The following METTL25 variants were observed in gnomAD, a reference collection of about 807,000 sequenced individuals.
METTL25 encodes the protein probable methyltransferase-like protein 25.
In METTL25, 64 loss-of-function variants were observed where a neutral mutation model predicts 71.6. The observed-to-expected ratio is 0.89, with a 90% CI of 0.73 to 1.10. The LOEUF (loss-of-function observed/expected upper bound fraction) is 1.10, where lower values mean the gene tolerates loss of function less well. METTL25 is among the 50% of genes least tolerant of loss of function. The probability of loss-of-function intolerance (pLI) is 0.00; values close to 1 mark genes in which losing one functional copy is unlikely to be tolerated. For synonymous variants in METTL25, 287 were observed against 250.3 expected (o/e 1.15, Z -1.38); for missense variants, 807 against 707.0 (o/e 1.14, Z -1.60).
intron 7 of METTL25, among the ~76,000 whole-genome samples, chr12:82,436,590 T>C (rs1277069376): frequency 6.6e-6 from 1 of 151,612 alleles, no homozygotes; most frequent in East Asian, 1.9e-4. Context: ...TCTTATTTAC[T>C]CAGAGTAACT....
In METTL25 at chr12:82,367,570, G is replaced by A. The variant is rs532627064; in HGVS notation, c.259+8746G>A. Among the ~76,000 whole-genome samples the A allele has an allele frequency of 1.1e-4, 17 of 152,232 alleles. 1 individual carries two copies. In the South Asian group the frequency reaches 2.9e-3, roughly 26 times the overall value. ...TTTCATTCCCATAGAAAATAGTTCA[G>A]TGTCACCTCTCCTTTTTAAATCTTG... is the stretch of plus-strand genomic sequence containing the variant. On this transcript the variant is annotated intron_variant, in intron 1 of 11. Transcript: ENST00000248306.
chr12:82,477,225 G>A (rs1892924809), intron 10 of METTL25, 56 bp from the exon 11 acceptor site: 1 of 765,030 alleles, frequency 1.3e-6, no homozygotes, highest in South Asian at 2.0e-5. Context: ...AAGGAAATAA[G>A]CTAGTCTTTT....
intron 5 of METTL25, among the ~76,000 whole-genome samples, chr12:82,421,658 TAAAG>T (rs1327580719): frequency 1.3e-5 from 2 of 151,496 alleles, no homozygotes; most frequent in Non-Finnish European, 2.9e-5. Flanking sequence ...GCAAGACTAA[TAAAG>T]AAGAAAAGAG....
intron 4 of METTL25, among the ~76,000 whole-genome samples, chr12:82,402,402 T>C (rs1453550260): frequency 6.6e-6 from 1 of 152,136 alleles, no homozygotes; most frequent in Non-Finnish European, 1.5e-5. Flanking sequence ...AGCACAGGTT[T>C]GGTCTAGAAA....
intron 1 of METTL25, among the ~76,000 whole-genome samples, chr12:82,361,146 AGGG>A (rs1472497836): frequency 6.6e-6 from 1 of 152,148 alleles, no homozygotes; most frequent in Non-Finnish European, 1.5e-5. Context: ...CCATTTTGAC[AGGG>A]TGCTGATTGG....
chr12:82,395,190 G>A (rs1004358052), intron 3 of METTL25, among the ~76,000 whole-genome samples: 2 of 151,894 alleles, frequency 1.3e-5, no homozygotes, highest in Non-Finnish European at 2.9e-5. Flanking sequence ...GTGGACATTC[G>A]AGCTGGTTAC....
chr12:82,470,816 A>G (rs1030256448), intron 9 of METTL25, among the ~76,000 whole-genome samples: 2 of 152,210 alleles, frequency 1.3e-5, no homozygotes, highest in Admixed American at 6.5e-5. Context: ...TTGTAAAGAT[A>G]CCTTCAGTTA....
intron 1 of METTL25, among the ~76,000 whole-genome samples, chr12:82,372,860 G>A (rs914802547): frequency 3.9e-5 from 6 of 152,156 alleles, no homozygotes; most frequent in African/African-American, 7.2e-5. Context: ...ACTCGCCGAC[G>A]TAGCAGCAGA....
chr12:82,380,678 A>G (rs1181171645), intron 1 of METTL25, among the ~76,000 whole-genome samples: 1 of 152,210 alleles, frequency 6.6e-6, no homozygotes, highest in Non-Finnish European at 1.5e-5. Flanking sequence ...TCGTTCATTC[A>G]TTGAGTACCT....
chr12:82,448,683 T>A (rs1890922944), intron 8 of METTL25, among the ~76,000 whole-genome samples: 2 of 152,144 alleles, frequency 1.3e-5, no homozygotes, highest in African/African-American at 4.8e-5. Context: ...TTAAAAACTA[T>A]CTCACAAAAT....
intron 1 of METTL25, among the ~76,000 whole-genome samples, chr12:82,368,841 A>C (rs938532449): frequency 6.6e-6 from 1 of 152,218 alleles, no homozygotes; most frequent in Non-Finnish European, 1.5e-5. Context: ...TCACCTAGAT[A>C]ATAAATGATT....
intron 5 of METTL25, among the ~76,000 whole-genome samples, chr12:82,420,472 G>C (rs78660788): frequency 0.046 from 7,068 of 152,110 alleles, 232 homozygotes; most frequent in Non-Finnish European, 0.066. Context: ...AACACATGAA[G>C]TTGTATACAT....
At chr12:82,460,674 G>C (rs2137268448) in intron 9 of METTL25, among the ~76,000 whole-genome samples, 1 of 152,292 alleles carries the variant, frequency 6.6e-6, no homozygotes, top group East Asian at 1.9e-4. Context: ...GTCAAGGTCT[G>C]CAAATCAAGA....
At position 82,370,997 on chromosome 12, in the gene METTL25, A is replaced by G. The variant is rs150691445; in HGVS notation, c.259+12173A>G. The stretch of plus-strand genomic sequence containing the variant: ...ATGGGGGTTCCCCCAGAGGTTAGGA[A>G]CTCCCTTTCTTTCCATATTGCAACA... On this transcript the variant is annotated intron_variant, in intron 1 of 11. Coordinates refer to ENST00000248306, the MANE Select transcript of METTL25 (RefSeq NM_032230.3). 4.3e-3 allele frequency among the ~76,000 whole-genome samples: 650 copies of G among 152,204 alleles called. 18 individuals carry two copies. In the East Asian group the frequency reaches 0.078, roughly 18 times the overall value.
chr12:82,401,869 G>A (rs931378604), intron 4 of METTL25, among the ~76,000 whole-genome samples: 3 of 151,924 alleles, frequency 2.0e-5, no homozygotes, highest in South Asian at 2.1e-4. Context: ...AAAATTGAGA[G>A]GCTACTATTA....
intron 1 of METTL25, among the ~76,000 whole-genome samples, chr12:82,375,594 C>T (rs1327589449): frequency 6.6e-6 from 1 of 152,162 alleles, no homozygotes; most frequent in Non-Finnish European, 1.5e-5. Flanking sequence ...TCACCTACTA[C>T]CTTAAGTTTT....
At chr12:82,389,568 A>C (rs1014680545) in intron 2 of METTL25, among the ~76,000 whole-genome samples, 2 of 152,000 alleles carry the variant, frequency 1.3e-5, no homozygotes, top group Non-Finnish European at 2.9e-5. Flanking sequence ...TTTGTAGTCC[A>C]CTTTACCAGT....
intron 8 of METTL25, among the ~76,000 whole-genome samples, chr12:82,454,205 G>A (rs754140730): frequency 6.6e-6 from 1 of 152,096 alleles, no homozygotes; most frequent in Admixed American, 6.6e-5. Context: ...GAGAGAGTAT[G>A]TGAAGGAAAA....
intron 8 of METTL25, among the ~76,000 whole-genome samples, chr12:82,445,878 A>C (rs556692247): frequency 3.3e-5 from 5 of 152,330 alleles, no homozygotes; most frequent in African/African-American, 1.2e-4. Flanking sequence ...CTATCTGTGA[A>C]ATACAAATAT....
Sources: allele counts gnomAD v4.1 joint callset (sites outside exome capture counted in the v4.1 genomes callset), GRCh38; gene constraint gnomAD v4.1.1; transcripts MANE v1.5; gene names NCBI Gene and HGNC (gene_info 2026-07-23, HGNC 2026-07-21).